ODF2L: variants seen among roughly 807,000 people sequenced by gnomAD.
ODF2L encodes protein BCAP.
Under a neutral mutation model 86.3 loss-of-function variants are expected in ODF2L, and 76 were observed. That is an observed-to-expected ratio of 0.88 (90% CI 0.73 to 1.07). ODF2L has a LOEUF of 1.07. Among genes scored for constraint, ODF2L ranks in the 50% least tolerant of loss-of-function variants. ODF2L has a pLI of 0.00. For missense variants in ODF2L, 748 were observed against 717.4 expected (o/e 1.04, Z -0.49); for synonymous variants, 241 against 231.3 (o/e 1.04, Z -0.38).
At chr1:86,384,642 C>G in intron 4 of ODF2L, 34 bp downstream of exon 4, 1 of 1,282,722 alleles carries the variant, frequency 7.8e-7, no homozygotes, top group Non-Finnish European at 1.0e-6. Flanking sequence ...AGAAATATCA[C>G]TATTAAAATG....
intron 14 of ODF2L, 86 bp downstream of exon 13, chr1:86,356,358 C>T: frequency 9.5e-7 from 1 of 1,054,062 alleles, no homozygotes; most frequent in Non-Finnish European, 1.4e-6. Context: ...AAAATCAAGC[C>T]CTGACATGAG....
intron 8 of ODF2L, chr1:86,374,794 T>A (rs1306067598): frequency 6.6e-6 from 1 of 152,210 alleles, no homozygotes. Context: ...TCTGTCTCTG[T>A]AGTCCTTGGC....
chr1:86,386,687 C>G (rs1241225887), intron 2 of ODF2L: 2 of 403,904 alleles, frequency 5.0e-6, no homozygotes, highest in Non-Finnish European at 8.6e-6. Context: ...TGCGCCCGGC[C>G]AGGTTTTCAT....
At chr1:86,355,503 G>T in intron 14 of ODF2L, 1 of 570,762 alleles carries the variant, frequency 1.8e-6, no homozygotes, top group South Asian at 2.1e-5. Flanking sequence ...CTCTTCTCAG[G>T]AATTTAAACT....
At chr1:86,347,478 C>A (rs894624018), downstream of ODF2L, 1 of 152,062 alleles carries the variant, frequency 6.6e-6, no homozygotes, top group Non-Finnish European at 1.5e-5. Flanking sequence ...TGACACTAAT[C>A]TTGTTAGCAA....
chr1:86,359,405 T>C (rs1331707068), intron 12 of ODF2L, among the ~76,000 whole-genome samples: 1 of 152,138 alleles, frequency 6.6e-6, no homozygotes, highest in African/African-American at 2.4e-5. Context: ...CCTGGATGAC[T>C]GAAATATTCT....
intron 1 of ODF2L, among the ~76,000 whole-genome samples, chr1:86,389,219 C>T (rs1326321755): frequency 6.6e-6 from 1 of 152,180 alleles, no homozygotes; most frequent in South Asian, 2.1e-4. Flanking sequence ...GTGGAATATA[C>T]TGTTAACTGA....
intron 8 of ODF2L, among the ~76,000 whole-genome samples, chr1:86,373,816 G>A (rs552958367): frequency 2.6e-5 from 4 of 152,072 alleles, no homozygotes; most frequent in East Asian, 1.9e-4. Flanking sequence ...CACTGCTACC[G>A]TCCACACAGA....
At chr1:86,371,479 A>C (rs1461699968) in intron 9 of ODF2L, among the ~76,000 whole-genome samples, 2 of 152,196 alleles carry the variant, frequency 1.3e-5, no homozygotes, top group African/African-American at 4.8e-5. Context: ...ATACACATGC[A>C]CACATATATA....
At chr1:86,385,336 C>A in intron 3 of ODF2L, 122 bp downstream of exon 3, 2 of 568,062 alleles carry the variant, frequency 3.5e-6, no homozygotes, top group Non-Finnish European at 3.1e-6. Flanking sequence ...TCTGATAAAC[C>A]CTCATTTTTG....
chr1:86,389,640 A>G (rs531363421), intron 1 of ODF2L, among the ~76,000 whole-genome samples: 9 of 69,102 alleles, frequency 1.3e-4, no homozygotes, highest in Admixed American at 2.7e-4. Context: ...CTGACAGAAC[A>G]TTATTAGCAA....
chr1:86,368,500 C>A, intron 11 of ODF2L: 1 of 734,320 alleles, frequency 1.4e-6, no homozygotes, highest in East Asian at 3.5e-5. Flanking sequence ...AAACTAGCTC[C>A]TCAAAGAGTT....
intron 11 of ODF2L, among the ~76,000 whole-genome samples, chr1:86,362,271 A>T (rs1296771112): frequency 2.1e-5 from 3 of 145,692 alleles, no homozygotes; most frequent in South Asian, 2.2e-4. Flanking sequence ...ATCTGACTAA[A>T]TTTTTTTTTT....
At chr1:86,380,639 T>A (rs1370709768) in intron 7 of ODF2L, among the ~76,000 whole-genome samples, 1 of 152,174 alleles carries the variant, frequency 6.6e-6, no homozygotes, top group Non-Finnish European at 1.5e-5. Context: ...TTTTATAATT[T>A]AAAAATAACC....
Position 86,376,452 on chromosome 1 carries a change from C to T in ODF2L, c.625-34G>A. 2.2e-6 allele frequency: 3 copies of T among 1,338,008 alleles called. No individual in the cohort carries two copies. In the South Asian group the frequency reaches 3.9e-5, roughly 17 times the overall value. The allele number at this position is 1,338,008 out of a possible 1,614,324, so 82.9% of individuals were successfully genotyped here. A position where few individuals can be genotyped will look rare whatever the true frequency, so the allele number is the denominator to read the frequency against. ...AAAATTAGCAACAATTAAATTATTT[C>T]AGAACTCCAATGTTTATGTAAACAT... On this transcript the variant is annotated intron_variant, in intron 7 of 17. Transcript: ENST00000317336.
intron 3 of ODF2L, 55 bp downstream of exon 3, chr1:86,385,403 C>T (rs1196061927): frequency 1.9e-6 from 2 of 1,073,670 alleles, no homozygotes; most frequent in African/African-American, 1.6e-5. Flanking sequence ...TCAGTTAATG[C>T]ATTCTGAGTA....
At chr1:86,359,887 TC>T (rs2100837805) in intron 12 of ODF2L, among the ~76,000 whole-genome samples, 1 of 152,272 alleles carries the variant, frequency 6.6e-6, no homozygotes, top group East Asian at 1.9e-4. Flanking sequence ...CCTGCATAAG[TC>T]CCATCTTATG....
chr1:86,360,162 G>T (rs887255285), intron 12 of ODF2L, among the ~76,000 whole-genome samples: 1 of 151,994 alleles, frequency 6.6e-6, no homozygotes, highest in Non-Finnish European at 1.5e-5. Context: ...ATACATTAAG[G>T]GTCACATTAT....
chr1:86,368,770 G>A (rs1659612201), intron 10 of ODF2L: 1 of 1,298,632 alleles, frequency 7.7e-7, no homozygotes, highest in South Asian at 2.5e-5. Context: ...GTTCATCAGA[G>A]CATTATTATT....
Sources: allele counts gnomAD v4.1 joint callset (sites outside exome capture counted in the v4.1 genomes callset), GRCh38; gene constraint gnomAD v4.1.1; transcripts MANE v1.5; gene names NCBI Gene and HGNC (gene_info 2026-07-23, HGNC 2026-07-21).